TLE1: variants seen among roughly 807,000 people sequenced by gnomAD.
The protein encoded by TLE1 is transducin-like enhancer protein 1.
Under a neutral mutation model 89.8 loss-of-function variants are expected in TLE1, and 21 were observed. That is an observed-to-expected ratio of 0.23 (90% confidence interval 0.17 to 0.34). TLE1 has a LOEUF of 0.34. Ranked by LOEUF, TLE1 falls within the 10% of genes least tolerant of loss-of-function variation. The pLI is 1.00. For missense variants in TLE1, 795 were observed against 1,031.2 expected, an observed-to-expected ratio of 0.77 and a Z score of 3.14; for synonymous variants, 447 against 407.6, an observed-to-expected ratio of 1.10 and a Z score of -1.16.
intron 18 of TLE1, 140 bp downstream of exon 18, chr9:81,585,365 G>T: frequency 1.9e-6 from 2 of 1,069,248 alleles, no homozygotes; most frequent in South Asian, 1.6e-5. Flanking sequence ...GCTCTGAAGG[G>T]CATATTAAAA....
intron 4 of TLE1, among the ~76,000 whole-genome samples, chr9:81,656,454 T>C (rs983163932): frequency 1.3e-5 from 2 of 152,184 alleles, no homozygotes; most frequent in African/African-American, 4.8e-5. Context: ...AAATGATATA[T>C]GCTCACTTTG....
intron 6 of TLE1, among the ~76,000 whole-genome samples, chr9:81,640,605 GA>G (rs1379685053): frequency 2.0e-5 from 3 of 152,150 alleles, no homozygotes; most frequent in African/African-American, 7.2e-5. Flanking sequence ...CTGAGTTAAT[GA>G]TACTGAAAAC....
intron 4 of TLE1, 45 bp from the exon 5 acceptor site, chr9:81,654,081 A>C (rs200467654): frequency 2.5e-6 from 4 of 1,594,414 alleles, no homozygotes; most frequent in African/African-American, 1.3e-5. Context: ...CTTCACAATC[A>C]GTTCAGAAAG....
At chr9:81,627,297 G>C (rs781455078) in intron 8 of TLE1, among the ~76,000 whole-genome samples, 2 of 148,926 alleles carry the variant, frequency 1.3e-5, no homozygotes, top group Non-Finnish European at 3.0e-5. Context: ...AGAGGTTTTG[G>C]AGGGAAAAAT....
intron 4 of TLE1, among the ~76,000 whole-genome samples, chr9:81,665,074 C>T (rs138448733): frequency 6.6e-6 from 1 of 152,300 alleles, no homozygotes; most frequent in Admixed American, 6.5e-5. Context: ...CAGAACAAGA[C>T]AGTGGAGAGG....
intron 6 of TLE1, among the ~76,000 whole-genome samples, chr9:81,640,655 A>C (rs1389621865): frequency 1.3e-5 from 2 of 152,252 alleles, no homozygotes; most frequent in African/African-American, 2.4e-5. Context: ...GTCAAACAAC[A>C]GCCACGCATT....
At chr9:81,659,105 C>T (rs1588150283) in intron 4 of TLE1, among the ~76,000 whole-genome samples, 1 of 152,064 alleles carries the variant, frequency 6.6e-6, no homozygotes, top group Non-Finnish European at 1.5e-5. Context: ...GATGGGGTTT[C>T]ACCATGTTGG....
intron 15 of TLE1, among the ~76,000 whole-genome samples, chr9:81,592,241 C>G (rs1451559945): frequency 3.3e-5 from 5 of 152,134 alleles, no homozygotes; most frequent in African/African-American, 1.2e-4. Context: ...GCCCGTAGTC[C>G]CAGCTACTTG....
chr9:81,644,047 C>A (rs973172537), intron 6 of TLE1, among the ~76,000 whole-genome samples: 1 of 152,178 alleles, frequency 6.6e-6, no homozygotes, highest in Non-Finnish European at 1.5e-5. Flanking sequence ...ACGGGAGATG[C>A]GGCCTCACAC....
intron 6 of TLE1, among the ~76,000 whole-genome samples, chr9:81,638,682 T>C (rs1043659612): frequency 6.6e-6 from 1 of 151,600 alleles, no homozygotes; most frequent in Non-Finnish European, 1.5e-5. Context: ...TGGAATACAG[T>C]GGCGCAATCT....
At chr9:81,630,482 TTTAA>T (rs1382606297) in intron 8 of TLE1, among the ~76,000 whole-genome samples, 2 of 152,372 alleles carry the variant, frequency 1.3e-5, no homozygotes, top group African/African-American at 4.8e-5. Flanking sequence ...GTTTAAGTGA[TTTAA>T]TTTTCTTTCT....
At chr9:81,661,761 C>T (rs1472255099) in intron 4 of TLE1, among the ~76,000 whole-genome samples, 3 of 151,976 alleles carry the variant, frequency 2.0e-5, no homozygotes, top group Non-Finnish European at 4.4e-5. Flanking sequence ...TTAAATCCCC[C>T]CCCCAAAAAA....
intron 14 of TLE1, among the ~76,000 whole-genome samples, chr9:81,600,534 T>C (rs1397732787): frequency 2.0e-5 from 3 of 150,864 alleles, no homozygotes; most frequent in Non-Finnish European, 4.4e-5. Context: ...TACATATTCC[T>C]ATATCAGAAG....
chr9:81,604,173 C>T (rs938450998), intron 14 of TLE1, among the ~76,000 whole-genome samples: 2 of 152,270 alleles, frequency 1.3e-5, no homozygotes, highest in South Asian at 2.1e-4. Flanking sequence ...TCAGGCCCAG[C>T]GGCAGACTCT....
At chr9:81,655,267 G>T (rs553980644) in intron 4 of TLE1, among the ~76,000 whole-genome samples, 1 of 152,056 alleles carries the variant, frequency 6.6e-6, no homozygotes, top group Non-Finnish European at 1.5e-5. Context: ...GGGAGGCTGC[G>T]GCAGAGAACT....
At chr9:81,669,936 G>C (rs1054466741) in intron 4 of TLE1, among the ~76,000 whole-genome samples, 1 of 152,096 alleles carries the variant, frequency 6.6e-6, no homozygotes, top group Non-Finnish European at 1.5e-5. Flanking sequence ...AAACAACATC[G>C]TGTCAAGCTA....
In TLE1 at chr9:81,689,525, G is replaced by A. The variant is rs1031528725; in HGVS notation, c.-1285C>T. ...GCCGCTCCCACCGCCGCCGCCGCCC[G>A]CGCCTCTCGCGCCGCTTACATTAAC... is the stretch of plus-strand genomic sequence containing the variant. On this transcript the variant is annotated 5_prime_UTR_variant, in exon 1 of 20. Transcript: ENST00000376499. 2.0e-5 allele frequency among the ~76,000 whole-genome samples: 3 copies of A among 152,100 alleles called. No homozygotes were observed. Among genetic ancestry groups the A allele is most frequent in the Non-Finnish European group, 4.4e-5 (3 of 68,002 alleles).
chr9:81,606,042 A>G (rs1831609903), intron 14 of TLE1, among the ~76,000 whole-genome samples: 2 of 152,370 alleles, frequency 1.3e-5, no homozygotes, highest in Admixed American at 6.5e-5. Context: ...ACTGGCCATC[A>G]GAGAAATGCA....
At chr9:81,686,674 C>G (rs1834325746) in intron 2 of TLE1, among the ~76,000 whole-genome samples, 1 of 152,166 alleles carries the variant, frequency 6.6e-6, no homozygotes, top group South Asian at 2.1e-4. Context: ...CTGGGAAGTT[C>G]ACTATTGGCA....
Sources: gnomAD v4.1 joint callset for allele counts (sites outside exome capture counted in the v4.1 genomes callset) on GRCh38, gnomAD v4.1.1 for gene constraint, MANE v1.5 for transcripts, NCBI Gene and HGNC (gene_info 2026-07-23, HGNC 2026-07-21) for gene names.